Variants in TULP4 observed in about 807,000 individuals in gnomAD.
The protein encoded by TULP4 is tubby-related protein 4.
TULP4 carries 16 observed loss-of-function variants against 129.0 expected under a neutral mutation model. The observed-to-expected ratio is 0.12, with a 90% CI of 0.08 to 0.19. The LOEUF is 0.19. Ranked by LOEUF, TULP4 falls within the 10% of genes least tolerant of loss-of-function variation. The probability of loss-of-function intolerance (pLI) is 1.00; values close to 1 mark genes in which losing one functional copy is unlikely to be tolerated. For synonymous variants in TULP4, 998 were observed against 854.0 expected, an observed-to-expected ratio of 1.17 and a Z score of -2.94; for missense variants, 1,842 against 2,059.1, an observed-to-expected ratio of 0.89 and a Z score of 2.04.
chr6:158,387,349 A>T (rs1447806008), intron 1 of TULP4, among the ~76,000 whole-genome samples: 1 of 152,240 alleles, frequency 6.6e-6, no homozygotes, highest in African/African-American at 2.4e-5. Flanking sequence ...GTTCTGCAAC[A>T]CAACATGCTG....
intron 1 of TULP4, among the ~76,000 whole-genome samples, chr6:158,331,730 T>TGTATATATAC (rs1779889017): frequency 8.1e-5 from 2 of 24,636 alleles, no homozygotes; most frequent in Admixed American, 6.2e-4. Context: ...CACACACACA[T>TGTATATATAC]ACGTATATAT....
chr6:158,499,242 A>G (rs1780394850), intron 12 of TULP4, among the ~76,000 whole-genome samples: 1 of 152,176 alleles, frequency 6.6e-6, no homozygotes, highest in South Asian at 2.1e-4. Flanking sequence ...TCACTCCAGC[A>G]TTCCCGTGGT....
At chr6:158,460,243 C>G (rs2115179360) in intron 5 of TULP4, among the ~76,000 whole-genome samples, 1 of 152,308 alleles carries the variant, frequency 6.6e-6, no homozygotes, top group South Asian at 2.1e-4. Context: ...GCATCAAAAT[C>G]ATGACCATGC....
At chr6:158,399,250 A>G (rs1245743200) in intron 1 of TULP4, among the ~76,000 whole-genome samples, 1 of 152,188 alleles carries the variant, frequency 6.6e-6, no homozygotes, top group Non-Finnish European at 1.5e-5. Flanking sequence ...TTTTCATCTC[A>G]CTTGTTTTTA....
chr6:158,299,133 T>C (rs1372523785), intron 1 of TULP4, among the ~76,000 whole-genome samples: 1 of 151,510 alleles, frequency 6.6e-6, no homozygotes, highest in East Asian at 1.9e-4. Context: ...ATACTAGGCC[T>C]CGGTCGGGGT....
chr6:158,292,015 G>T (rs6908487), intron 1 of TULP4, among the ~76,000 whole-genome samples: 26,285 of 152,174 alleles, frequency 0.17, 2,708 homozygotes, highest in Middle Eastern at 0.24. Flanking sequence ...CTTATTTTGT[G>T]TGTTTAGTAA....
At chr6:158,293,902 G>A (rs891559364) in intron 1 of TULP4, among the ~76,000 whole-genome samples, 1 of 152,168 alleles carries the variant, frequency 6.6e-6, no homozygotes, top group African/African-American at 2.4e-5. Flanking sequence ...GCCACATAAC[G>A]AGTGGCTACT....
intron 1 of TULP4, among the ~76,000 whole-genome samples, chr6:158,236,608 C>CTAAGA: frequency 6.6e-6 from 1 of 151,264 alleles, no homozygotes; most frequent in Admixed American, 6.6e-5. Flanking sequence ...CCTAAGGCCT[C>CTAAGA]CATAATTTAA....
intron 2 of TULP4, among the ~76,000 whole-genome samples, chr6:158,415,677 A>C (rs1275317635): frequency 6.6e-6 from 1 of 151,876 alleles, no homozygotes; most frequent in East Asian, 1.9e-4. Flanking sequence ...CTTATTAAAA[A>C]AAAAAAAAAA....
chr6:158,414,358 A>G (rs936560308), intron 2 of TULP4, among the ~76,000 whole-genome samples: 1 of 102,664 alleles, frequency 9.7e-6, no homozygotes. Flanking sequence ...CTCTGGAATC[A>G]GACAATGTAG....
Position 158,427,470 on chromosome 6 carries a change from C to CTTTTTT in TULP4, c.382-2266_382-2265insTTTTTT, listed in dbSNP as rs1251385882. Among the ~76,000 whole-genome samples, 34 of 100,680 alleles carry CTTTTTT rather than the reference C, an allele frequency of 3.4e-4. 1 individual carries two copies. Among genetic ancestry groups the CTTTTTT allele is most frequent in the East Asian group, 1.1e-3 (4 of 3,530 alleles). 66.0% of individuals were successfully genotyped at this position (100,680 alleles called of 152,430 possible). A position where few individuals can be genotyped will look rare whatever the true frequency, so the allele number is the denominator to read the frequency against. On this transcript the variant is annotated intron_variant, in intron 2 of 13. Transcript: ENST00000367097. ...CAAATTCCTTTTCAAAATTATCAGA[C>CTTTTTT]CTTTTTTTTTTTTTTTTTTTTTTTT...
At chr6:158,369,821 G>A (rs1174776315) in intron 1 of TULP4, among the ~76,000 whole-genome samples, 1 of 152,068 alleles carries the variant, frequency 6.6e-6, no homozygotes, top group Non-Finnish European at 1.5e-5. Flanking sequence ...CAGAGGGGGA[G>A]GGAGATTTGC....
rs776482908 is a variant in TULP4 at position 158,503,015 on chromosome 6, C to T, written c.3352C>T (p.Arg1118Trp). 32 of 1,613,982 alleles carry T rather than the reference C, an allele frequency of 2.0e-5. No individual in the cohort carries two copies. The highest frequency in any genetic ancestry group is 1.2e-4 in the Admixed American group (7 of 60,006). Reference protein sequence around the residue: ...PLPEAAVTLKRPPPYQWDPML... With the variant: ...PLPEAAVTLKWPPPYQWDPML... Reference sequence around the variant, plus strand: ...GCCTGAAGCTGCTGTCACCCTGAAACGGCCACCCCCTTACCAGTGGGACCC... The same window carrying T: ...GCCTGAAGCTGCTGTCACCCTGAAATGGCCACCCCCTTACCAGTGGGACCC... Residue 1118 changes from arginine (R) to tryptophan (W), a missense_variant, in exon 13 of 14, where the codon CGG (arginine) becomes TGG (tryptophan). By Grantham distance (101) the Arg-to-Trp change is moderately radical. This residue lies in a region of TULP4 where 1,089 missense variants were observed against 987.1 expected (regional missense o/e 1.10). Transcript: ENST00000367097. The surrounding 1 kb of genome is among the most constrained non-coding windows in gnomAD (Gnocchi z 4.3).
intron 1 of TULP4, among the ~76,000 whole-genome samples, chr6:158,324,576 C>T (rs1031351101): frequency 2.0e-5 from 3 of 152,144 alleles, no homozygotes; most frequent in Admixed American, 1.3e-4. Context: ...CCAGATGGAT[C>T]GTCTATCGTG....
intron 2 of TULP4, among the ~76,000 whole-genome samples, chr6:158,416,773 A>C (rs893864583): frequency 2.6e-5 from 4 of 152,242 alleles, no homozygotes; most frequent in Non-Finnish European, 5.9e-5. Context: ...ACCCAGAGCA[A>C]CTTCTAGTCC....
intron 1 of TULP4, among the ~76,000 whole-genome samples, chr6:158,398,310 A>T (rs1229841511): frequency 6.6e-6 from 1 of 152,194 alleles, no homozygotes; most frequent in African/African-American, 2.4e-5. Flanking sequence ...AGTACATACA[A>T]GGTGTGGGAA....
chr6:158,464,811 T>C (rs779333853), intron 6 of TULP4, among the ~76,000 whole-genome samples: 7 of 152,168 alleles, frequency 4.6e-5, no homozygotes, highest in Non-Finnish European at 1.0e-4. Flanking sequence ...GTTAAATGTC[T>C]CCTGAATCAG....
At chr6:158,489,087 A>G (rs1057107151) in intron 8 of TULP4, among the ~76,000 whole-genome samples, 1 of 152,156 alleles carries the variant, frequency 6.6e-6, no homozygotes, top group African/African-American at 2.4e-5. Flanking sequence ...ACCTGTGGCA[A>G]TTCCAGGGGA....
chr6:158,232,531 C>T (rs1355674560), intron 1 of TULP4, among the ~76,000 whole-genome samples: 13 of 151,648 alleles, frequency 8.6e-5, no homozygotes, highest in Admixed American at 7.9e-4. Context: ...GCCGTGGCCG[C>T]TGCTTGGCTG....
Sources: allele counts gnomAD v4.1 joint callset (sites outside exome capture counted in the v4.1 genomes callset), GRCh38; gene constraint gnomAD v4.1.1; regional missense constraint gnomAD v4.1.1; non-coding constraint Gnocchi (gnomAD v3.1); transcripts MANE v1.5; gene names NCBI Gene and HGNC (gene_info 2026-07-23, HGNC 2026-07-21).